MAOB: variants seen among roughly 807,000 people sequenced by gnomAD.
MAOB encodes monoamine oxidase B, also known as amine oxidase [flavin-containing] B.
In MAOB, 15 loss-of-function variants were observed where a neutral mutation model predicts 41.9. The observed-to-expected ratio is 0.36, with a 90% confidence interval of 0.24 to 0.55. The LOEUF is 0.55. Among genes scored for constraint, MAOB ranks in the 20% least tolerant of loss-of-function variants. MAOB has a pLI of 0.86. For missense variants in MAOB, 345 were observed against 398.7 expected (o/e 0.87, Z 1.15); for synonymous variants, 167 against 144.2 (o/e 1.16, Z -1.13).
intron 1 of MAOB, among the ~76,000 whole-genome samples, chrX:43,862,092 C>T (rs2035335983): frequency 8.9e-6 from 1 of 111,732 alleles, no homozygotes; most frequent in South Asian, 3.8e-4. Context: ...GAAGTAAATC[C>T]TTTGCCAACT....
rs1253723222 is a variant in MAOB, at chrX:43,770,082, CT to C, written c.1236-665del. Among the ~76,000 whole-genome samples the C allele has an allele frequency of 3.0e-4, 33 of 111,255 alleles. No homozygotes were observed. In the Admixed American group the frequency reaches 3.2e-3, roughly 11 times the overall value. The stretch of plus-strand genomic sequence containing the variant: ...AGAATGAAAGACTTATTCCCAGCTG[CT>C]GGGAGTGCTGCCAGAAGAGGGCCTA... On this transcript the variant is annotated intron_variant, in intron 12 of 14. Transcript: ENST00000378069.
intron 1 of MAOB, among the ~76,000 whole-genome samples, chrX:43,845,760 C>T (rs1360028002): frequency 8.9e-6 from 1 of 112,465 alleles, no homozygotes; most frequent in African/African-American, 3.2e-5. Context: ...TTATAAGAAT[C>T]CATATAACAT....
chrX:43,783,424 A>G (rs2034361712), intron 8 of MAOB, among the ~76,000 whole-genome samples: 1 of 111,860 alleles, frequency 8.9e-6, no homozygotes. Flanking sequence ...CACCTCAAAG[A>G]TAATGTGGGT....
intron 11 of MAOB, among the ~76,000 whole-genome samples, chrX:43,775,598 G>A (rs776748194): frequency 8.1e-5 from 9 of 111,628 alleles, no homozygotes; most frequent in Non-Finnish European, 1.5e-4. Flanking sequence ...TTCAAGAAAA[G>A]TTTTTAAAAG....
chrX:43,808,689 T>G (rs866707973), intron 3 of MAOB, among the ~76,000 whole-genome samples: 4 of 92,475 alleles, frequency 4.3e-5, no homozygotes, highest in African/African-American at 1.7e-4. Flanking sequence ...TATATCTATA[T>G]CTACACATAG....
At chrX:43,771,989 T>A (rs1346445569) in intron 12 of MAOB, among the ~76,000 whole-genome samples, 1 of 111,752 alleles carries the variant, frequency 8.9e-6, no homozygotes, top group African/African-American at 3.3e-5. Flanking sequence ...TACTGCATAA[T>A]CACGACAATC....
intron 1 of MAOB, among the ~76,000 whole-genome samples, chrX:43,848,774 G>C (rs1602025094): frequency 9.0e-6 from 1 of 111,553 alleles, no homozygotes; most frequent in African/African-American, 3.3e-5. Context: ...GCCTGGTCTC[G>C]AACACCTGAC....
intron 13 of MAOB, 109 bp from the exon 14 acceptor site, chrX:43,768,825 C>A: frequency 1.5e-6 from 1 of 667,739 alleles, no homozygotes; most frequent in South Asian, 2.5e-5. Context: ...TCAAAAACAC[C>A]AAGGTAAAGG....
chrX:43,781,186 C>T (rs2034327275), intron 9 of MAOB, among the ~76,000 whole-genome samples: 1 of 111,548 alleles, frequency 9.0e-6, no homozygotes, highest in Non-Finnish European at 1.9e-5. Context: ...AATATGTCTA[C>T]CCCCAACACT....
At position 43,771,846 on chromosome X, in the gene MAOB, G is replaced by A. The variant is rs189769527; in HGVS notation, c.1236-2428C>T. Among the ~76,000 whole-genome samples, 393 of 111,705 alleles carry A rather than the reference G, an allele frequency of 3.5e-3. 1 individual carries two copies. The highest frequency in any genetic ancestry group is 0.012 in the African/African-American group (356 of 30,738). On this transcript the variant is annotated intron_variant, in intron 12 of 14. Transcript: ENST00000378069. ...ATTATGTTCCTTTAAGGGAAAAAAA[G>A]AGTCCAACAACCAGGTAAGAAAAAT...
chrX:43,802,150 TG>T (rs1483162136), intron 5 of MAOB, 21 bp downstream of exon 5: 5 of 1,163,873 alleles, frequency 4.3e-6, no homozygotes, highest in Non-Finnish European at 5.8e-6. Context: ...AGTAAATGCC[TG>T]TGCCTAATGG....
At chrX:43,837,369 G>T (rs182247730) in intron 3 of MAOB, among the ~76,000 whole-genome samples, 29 of 112,078 alleles carry the variant, frequency 2.6e-4, no homozygotes, top group Non-Finnish European at 2.3e-4. Context: ...AATAAAATTT[G>T]GTATTTTTAG....
intron 10 of MAOB, among the ~76,000 whole-genome samples, chrX:43,779,617 G>T (rs1321893700): frequency 8.9e-6 from 1 of 111,917 alleles, no homozygotes; most frequent in Non-Finnish European, 1.9e-5. Flanking sequence ...AAACCCAGCA[G>T]TGAGCCAATC....
At chrX:43,852,445 C>CA (rs1409934329) in intron 1 of MAOB, among the ~76,000 whole-genome samples, 2 of 111,953 alleles carry the variant, frequency 1.8e-5, no homozygotes, top group Non-Finnish European at 3.8e-5. Context: ...TGAAATGCAT[C>CA]AAAAATCAAG....
At chrX:43,776,710 G>T (rs1437165195) in intron 11 of MAOB, among the ~76,000 whole-genome samples, 1 of 109,247 alleles carries the variant, frequency 9.2e-6, no homozygotes, top group Non-Finnish European at 1.9e-5. Context: ...GCTGCACCCA[G>T]TAACTCGTCA....
At chrX:43,850,253 A>C (rs1400178571) in intron 1 of MAOB, 2 of 585,308 alleles carry the variant, frequency 3.4e-6, no homozygotes, top group African/African-American at 5.0e-5. Flanking sequence ...GCTAAAACAA[A>C]ATTCTTGAAA....
intron 2 of MAOB, among the ~76,000 whole-genome samples, chrX:43,842,327 T>C (rs2035146499): frequency 8.9e-6 from 1 of 111,980 alleles, no homozygotes; most frequent in Admixed American, 9.4e-5. Flanking sequence ...CCACTAATCA[T>C]TAGGGAAATC....
chrX:43,789,459 A>C (rs2147130250), intron 8 of MAOB, among the ~76,000 whole-genome samples: 1 of 112,328 alleles, frequency 8.9e-6, no homozygotes, highest in South Asian at 3.7e-4. Context: ...ACATAAATTG[A>C]GATAAATTAG....
chrX:43,852,051 C>G (rs746293942), intron 1 of MAOB, among the ~76,000 whole-genome samples: 1 of 111,773 alleles, frequency 8.9e-6, no homozygotes, highest in East Asian at 2.8e-4. Flanking sequence ...GTAGAAAAAG[C>G]TTTATGCCCA....
Sources: gnomAD v4.1 joint callset for allele counts (sites outside exome capture counted in the v4.1 genomes callset) on GRCh38, gnomAD v4.1.1 for gene constraint, MANE v1.5 for transcripts, NCBI Gene and HGNC (gene_info 2026-07-23, HGNC 2026-07-21) for gene names.